Variants in GPHN observed in about 807,000 individuals in gnomAD.
GPHN encodes the protein gephyrin.
In GPHN, 17 loss-of-function variants were observed where a neutral mutation model predicts 95.5. That is an observed-to-expected ratio of 0.18 (90% CI 0.12 to 0.27). GPHN has a LOEUF of 0.27. Among genes scored for constraint, GPHN ranks in the 10% least tolerant of loss-of-function variants. GPHN has a pLI of 1.00. For synonymous variants in GPHN, 320 were observed against 322.5 expected, an observed-to-expected ratio of 0.99 and a Z score of 0.08; for missense variants, 660 against 978.1, an observed-to-expected ratio of 0.67 and a Z score of 4.34.
the GPHN span, chr14:67,722,275 G>A: frequency 2.8e-6 from 1 of 362,582 alleles, no homozygotes; most frequent in Non-Finnish European, 5.3e-6. Flanking sequence ...TGCAGTAGAG[G>A]TGGCAGTGGT....
the GPHN span, chr14:67,590,141 T>C: frequency 6.4e-7 from 1 of 1,551,184 alleles, no homozygotes; most frequent in Non-Finnish European, 8.7e-7. Flanking sequence ...CCTGTATACT[T>C]CAATCAAGCA....
the GPHN span, among the ~76,000 whole-genome samples, chr14:67,356,759 C>T: frequency 3.9e-5 from 6 of 152,186 alleles, no homozygotes; most frequent in Non-Finnish European, 8.8e-5. Flanking sequence ...CACTGGCTGA[C>T]TCTGCACTGA....
chr14:67,076,259 T>C (rs763105195), intron 11 of GPHN, among the ~76,000 whole-genome samples: 1 of 152,182 alleles, frequency 6.6e-6, no homozygotes, highest in African/African-American at 2.4e-5. Context: ...AAGTATTTTT[T>C]AAATTAAGGT....
At chr14:66,725,494 T>C (rs1457817420) in intron 2 of GPHN, among the ~76,000 whole-genome samples, 1 of 152,156 alleles carries the variant, frequency 6.6e-6, no homozygotes, top group African/African-American at 2.4e-5. Context: ...GTTTGTTTTG[T>C]TTGTTTTTTG....
At chr14:66,623,040 G>A (rs1566719088) in intron 1 of GPHN, among the ~76,000 whole-genome samples, 3 of 152,148 alleles carry the variant, frequency 2.0e-5, no homozygotes, top group Non-Finnish European at 4.4e-5. Context: ...ACATACCTGA[G>A]ACTGGGCAAT....
chr14:67,262,212 A>G, the GPHN span, among the ~76,000 whole-genome samples: 3 of 152,180 alleles, frequency 2.0e-5, no homozygotes, highest in South Asian at 2.1e-4. Flanking sequence ...TTACAAATGT[A>G]AGATATAAGT....
Position 67,116,299 on chromosome 14 carries a change from GAAAGAAAGAAAGAA to G in GPHN, c.1626+3144_1626+3157del, listed in dbSNP as rs147558728. ...GAAAAAGAAAGAAAGAAAAGAAAAA[GAAAGAAAGAAAGAA>G]AAAGAAAGAAAGAAACAGAAGGAAA... On this transcript the variant is annotated intron_variant, in intron 16 of 22. Coordinates refer to ENST00000478722, the MANE Select transcript of GPHN (RefSeq NM_020806.5). 2.9e-3 allele frequency among the ~76,000 whole-genome samples: 419 copies of G among 146,842 alleles called. 7 individuals are homozygous for G. In the East Asian group the frequency reaches 0.048, roughly 17 times the overall value.
the GPHN span, chr14:67,727,157 C>T: frequency 5.6e-6 from 9 of 1,613,930 alleles, no homozygotes; most frequent in South Asian, 7.7e-5. Context: ...GGCCAATGTG[C>T]TTTTTACTCG....
At chr14:67,053,710 C>A (rs1329824483) in intron 10 of GPHN, among the ~76,000 whole-genome samples, 1 of 152,154 alleles carries the variant, frequency 6.6e-6, no homozygotes, top group African/African-American at 2.4e-5. Context: ...TGCAAAAATT[C>A]TCAATAAAAT....
intron 1 of GPHN, among the ~76,000 whole-genome samples, chr14:66,563,646 T>A (rs2060352259): frequency 6.6e-6 from 1 of 152,196 alleles, no homozygotes; most frequent in Admixed American, 6.5e-5. Flanking sequence ...CTTTATTTCT[T>A]ATGACCAAAC....
chr14:67,626,254 A>AG, the GPHN span, among the ~76,000 whole-genome samples: 1 of 150,136 alleles, frequency 6.7e-6, no homozygotes. Flanking sequence ...ACTCTGTCTC[A>AG]GGGGAAAAAA....
chr14:67,279,097 A>G, the GPHN span: 2 of 1,362,380 alleles, frequency 1.5e-6, no homozygotes, highest in South Asian at 1.8e-5. Flanking sequence ...TGGATTTTAT[A>G]CTACAGAATC....
At chr14:67,372,655 C>T in the GPHN span, among the ~76,000 whole-genome samples, 1 of 151,848 alleles carries the variant, frequency 6.6e-6, no homozygotes, top group African/African-American at 2.4e-5. Flanking sequence ...ATGGTGAAAC[C>T]CCGTCTCTAC....
intron 10 of GPHN, among the ~76,000 whole-genome samples, chr14:67,052,426 T>C (rs139760048): frequency 5.7e-4 from 86 of 150,902 alleles, no homozygotes; most frequent in African/African-American, 1.9e-3. Flanking sequence ...ATCCTAAATA[T>C]ACAGGAGGAC....
chr14:66,939,740 G>A (rs2067311341), intron 8 of GPHN, among the ~76,000 whole-genome samples: 1 of 152,120 alleles, frequency 6.6e-6, no homozygotes, highest in Non-Finnish European at 1.5e-5. Context: ...GTTAAAATAA[G>A]GATAAGGATG....
At chr14:66,802,610 C>G (rs2060399645) in intron 3 of GPHN, among the ~76,000 whole-genome samples, 1 of 152,214 alleles carries the variant, frequency 6.6e-6, no homozygotes, top group Admixed American at 6.5e-5. Context: ...CACCCAAGCC[C>G]TTGATACCTG....
At chr14:66,717,818 T>C (rs1957299) in intron 2 of GPHN, among the ~76,000 whole-genome samples, 1 of 152,064 alleles carries the variant, frequency 6.6e-6, no homozygotes, top group Non-Finnish European at 1.5e-5. Context: ...GCTCCAGGCT[T>C]GTACTAGGGG....
intron 9 of GPHN, among the ~76,000 whole-genome samples, chr14:66,988,142 G>A (rs1015859702): frequency 2.0e-5 from 3 of 151,336 alleles, no homozygotes; most frequent in Non-Finnish European, 4.4e-5. Flanking sequence ...TTTTCTAGCT[G>A]CGGCTTCATG....
chr14:67,369,202 T>C, the GPHN span, among the ~76,000 whole-genome samples: 1 of 152,200 alleles, frequency 6.6e-6, no homozygotes, highest in Non-Finnish European at 1.5e-5. Flanking sequence ...ATGCAGACAA[T>C]ACCTTAAGGA....
Sources: allele counts gnomAD v4.1 joint callset (sites outside exome capture counted in the v4.1 genomes callset), GRCh38; gene constraint gnomAD v4.1.1; transcripts MANE v1.5; gene names NCBI Gene and HGNC (gene_info 2026-07-23, HGNC 2026-07-21).